The following A1CF variants were observed in gnomAD, a reference collection of about 807,000 sequenced individuals.
A1CF encodes APOBEC1 complementation factor.
Under a neutral mutation model 68.9 loss-of-function variants are expected in A1CF, and 48 were observed. The observed-to-expected ratio is 0.70, with a 90% CI of 0.55 to 0.89. A1CF has a LOEUF of 0.89. A1CF is among the 40% of genes least tolerant of loss of function. The probability of loss-of-function intolerance (pLI) is 0.00; values close to 1 mark genes in which losing one functional copy is unlikely to be tolerated. For synonymous variants in A1CF, 272 were observed against 260.4 expected (o/e 1.04, Z -0.43); for missense variants, 653 against 718.9 (o/e 0.91, Z 1.05).
intron 7 of A1CF, among the ~76,000 whole-genome samples, chr10:50,825,869 G>A (rs1432500809): frequency 6.6e-6 from 1 of 152,006 alleles, no homozygotes; most frequent in Non-Finnish European, 1.5e-5. Flanking sequence ...TCTCAACTGG[G>A]GGCAATTTTG....
At chr10:50,845,897 T>C (rs1385202659) in intron 3 of A1CF, among the ~76,000 whole-genome samples, 1 of 149,554 alleles carries the variant, frequency 6.7e-6, no homozygotes, top group East Asian at 2.0e-4. Flanking sequence ...GAGGTTGCAG[T>C]GAACTGAGAT....
chr10:50,857,907 A>G (rs1840562147), intron 3 of A1CF, among the ~76,000 whole-genome samples: 1 of 152,208 alleles, frequency 6.6e-6, no homozygotes, highest in Non-Finnish European at 1.5e-5. Flanking sequence ...ACCCAGCAGG[A>G]GGCTGGGTGT....
At chr10:50,847,271 TAG>T (rs1840044422) in intron 3 of A1CF, among the ~76,000 whole-genome samples, 1 of 152,234 alleles carries the variant, frequency 6.6e-6, no homozygotes. Flanking sequence ...GTTGTCTCTC[TAG>T]AGTCATATAC....
intron 1 of A1CF, among the ~76,000 whole-genome samples, chr10:50,882,458 C>CA (rs1841825391): frequency 6.6e-6 from 1 of 151,912 alleles, no homozygotes; most frequent in South Asian, 2.1e-4. Flanking sequence ...TCATCAACAA[C>CA]AAAAAACTGA....
intron 1 of A1CF, among the ~76,000 whole-genome samples, chr10:50,877,472 T>C (rs1841565463): frequency 6.6e-6 from 1 of 152,218 alleles, no homozygotes. Context: ...CACTGACTAA[T>C]GGAGTACATT....
chr10:50,850,597 T>A, intron 3 of A1CF: 2 of 1,570,806 alleles, frequency 1.3e-6, no homozygotes, highest in Non-Finnish European at 8.8e-7. Flanking sequence ...AGCATTTGTG[T>A]GTGTGTGTGT....
rs140724854 is a variant in A1CF at position 50,841,583 on chromosome 10, T to G, written c.365+279A>C. 1.1e-3 allele frequency among the ~76,000 whole-genome samples: 169 copies of G among 152,346 alleles called. 1 individual carries two copies. The highest frequency in any genetic ancestry group is 3.8e-3 in the African/African-American group (160 of 41,586). ...AAGTAGGAAATTATACCTTGATATATTCCCAATATTTTGAACAGTGCCCAA... is the reference window on the plus strand; with the variant it reads ...AAGTAGGAAATTATACCTTGATATAGTCCCAATATTTTGAACAGTGCCCAA... On this transcript the variant is annotated intron_variant, in intron 5 of 12. Coordinates refer to ENST00000373997, the MANE Select transcript of A1CF (RefSeq NM_014576.4).
rs138206619 is a variant in A1CF, at chr10:50,866,011, A to G, written c.-93-1931T>C. On this transcript the variant is annotated intron_variant, in intron 1 of 12. Coordinates refer to ENST00000373997, the MANE Select transcript of A1CF (RefSeq NM_014576.4). ...AATTGATACTTTTAGAAGAAATGCA[A>G]AACTTTGGATCAGCAATTTTATAAA... 3.3e-3 allele frequency among the ~76,000 whole-genome samples: 503 copies of G among 152,356 alleles called. 3 individuals are homozygous for G. Among genetic ancestry groups the G allele is most frequent in the African/African-American group, 0.011 (477 of 41,580 alleles).
chr10:50,884,286 T>G (rs1233668279), intron 1 of A1CF, among the ~76,000 whole-genome samples: 1 of 152,220 alleles, frequency 6.6e-6, no homozygotes, highest in Non-Finnish European at 1.5e-5. Flanking sequence ...CCCACAACAA[T>G]ATTTCTTTTC....
At chr10:50,822,520 T>G (rs1838724471) in intron 7 of A1CF, among the ~76,000 whole-genome samples, 1 of 152,202 alleles carries the variant, frequency 6.6e-6, no homozygotes, top group African/African-American at 2.4e-5. Flanking sequence ...GACTAAGAAT[T>G]ATCTTCCTTT....
At chr10:50,812,258 C>T (rs2132322166) in intron 10 of A1CF, among the ~76,000 whole-genome samples, 1 of 152,274 alleles carries the variant, frequency 6.6e-6, no homozygotes, top group African/African-American at 2.4e-5. Context: ...CCAGCTCTCA[C>T]TGCTGACTTT....
At position 50,804,341 on chromosome 10, in the gene A1CF, A is replaced by G. The variant is rs935954474; in HGVS notation, c.*2388T>C. ...TTTTTTCTCATAAAAAGATTCATGT[A>G]TTAACTAATCTTTTCATTGCGATTA... On this transcript the variant is annotated 3_prime_UTR_variant, in exon 13 of 13. Coordinates refer to ENST00000373997, the MANE Select transcript of A1CF (RefSeq NM_014576.4). The G allele has an allele frequency of 1.3e-5, 2 of 152,198 alleles. No homozygotes were observed. Among genetic ancestry groups the G allele is most frequent in the African/African-American group, 4.8e-5 (2 of 41,472 alleles). The allele number at this position is 152,198 out of a possible 1,614,324, so 9.4% of individuals were successfully genotyped here.
intron 3 of A1CF, chr10:50,850,600 G>A: frequency 6.4e-7 from 1 of 1,572,130 alleles, no homozygotes; most frequent in East Asian, 2.2e-5. Flanking sequence ...ATTTGTGTGT[G>A]TGTGTGTGTT....
In A1CF at chr10:50,799,858, CAT is replaced by C. The variant is rs1257891802; in HGVS notation, c.*6869_*6870del. Reference sequence around the variant, plus strand: ...TATCGGGCTGTATTGCAGTCAGAAACATAGAAGAAAAGGAGAATTCTCTGAAG... The same window carrying C: ...TATCGGGCTGTATTGCAGTCAGAAACAGAAGAAAAGGAGAATTCTCTGAAG... On this transcript the variant is annotated 3_prime_UTR_variant, in exon 13 of 13. Transcript: ENST00000373997. 6.6e-6 allele frequency: 1 copy of C among 151,898 alleles called. No homozygotes were observed. Among genetic ancestry groups the C allele is most frequent in the Non-Finnish European group, 1.5e-5 (1 of 67,930 alleles). 9.4% of individuals were successfully genotyped at this position (151,898 alleles called of 1,614,324 possible). A position where few individuals can be genotyped will look rare whatever the true frequency, so the allele number is the denominator to read the frequency against.
Position 50,803,436 on chromosome 10 carries a change from A to G in A1CF, c.*3293T>C, listed in dbSNP as rs16751. 0.42 allele frequency: 63,297 copies of G among 152,082 alleles called. 14,883 individuals carry two copies. The highest frequency in any genetic ancestry group is 0.57 in the Admixed American group (8,729 of 15,278). 9.4% of individuals were successfully genotyped at this position (152,082 alleles called of 1,614,324 possible). On this transcript the variant is annotated 3_prime_UTR_variant, in exon 13 of 13. Transcript: ENST00000373997. ...AATCCATATTTTCTTGACATGAGGT[A>G]GCTTTTTAGCAGCATTTCGGGTGCT...
At chr10:50,845,238 A>C (rs1187724626) in intron 3 of A1CF, among the ~76,000 whole-genome samples, 1 of 152,088 alleles carries the variant, frequency 6.6e-6, no homozygotes, top group Non-Finnish European at 1.5e-5. Context: ...TAAAACTTTG[A>C]TATCACTGAG....
intron 6 of A1CF, among the ~76,000 whole-genome samples, chr10:50,834,684 C>T (rs1053055384): frequency 1.3e-5 from 2 of 152,082 alleles, no homozygotes; most frequent in African/African-American, 4.8e-5. Flanking sequence ...TGAATTCCTA[C>T]TATTTGCAAG....
Position 50,859,858 on chromosome 10 carries a change from C to G in A1CF, c.83G>C (p.Gly28Ala). 6.2e-7 allele frequency: 1 copy of G among 1,613,956 alleles called. No individual in the cohort carries two copies. Among genetic ancestry groups the G allele is most frequent in the Non-Finnish European group, 8.5e-7 (1 of 1,179,906 alleles). ...AGTTCCTACCTGGACCAAGCTATAT[C>G]CTGTGCGCTGGACCAGTGCGCGGAG... Reference protein sequence around the residue: ...AALRALVQRTGYSLVQENGQR... With the variant: ...AALRALVQRTAYSLVQENGQR... Residue 28 changes from glycine to alanine, a missense_variant, in exon 3 of 13, where the codon GGA becomes GCA. Coordinates refer to ENST00000373997, the MANE Select transcript of A1CF (RefSeq NM_014576.4).
chr10:50,845,884 G>C (rs915835632), intron 3 of A1CF, among the ~76,000 whole-genome samples: 16 of 150,664 alleles, frequency 1.1e-4, no homozygotes, highest in African/African-American at 3.2e-4. Flanking sequence ...AACCCAGGAA[G>C]TAGAGGTTGC....
Sources: allele counts gnomAD v4.1 joint callset (sites outside exome capture counted in the v4.1 genomes callset), GRCh38; gene constraint gnomAD v4.1.1; transcripts MANE v1.5; gene names NCBI Gene and HGNC (gene_info 2026-07-23, HGNC 2026-07-21).